Variants in TMEM178B observed in about 807,000 individuals in gnomAD.
TMEM178B encodes the protein transmembrane protein 178B.
TMEM178B carries 5 observed loss-of-function variants against 31.0 expected under a neutral mutation model. The ratio of observed to expected loss-of-function variants is 0.16; its 90% CI spans 0.08 to 0.34. The LOEUF (loss-of-function observed/expected upper bound fraction) is 0.34, where lower values mean the gene tolerates loss of function less well. Ranked by LOEUF, TMEM178B falls within the 10% of genes least tolerant of loss-of-function variation. The probability of loss-of-function intolerance (pLI) is 1.00; values close to 1 mark genes in which losing one functional copy is unlikely to be tolerated. For synonymous variants in TMEM178B, 164 were observed against 164.0 expected (o/e 1.00, Z 0.00); for missense variants, 275 against 400.3 (o/e 0.69, Z 2.67).
chr7:141,319,093 A>AGAGATTT (rs763037608), intron 2 of TMEM178B, among the ~76,000 whole-genome samples: 1 of 152,260 alleles, frequency 6.6e-6, no homozygotes. Context: ...CATAAAATCA[A>AGAGATTT]GAGATTTGGC....
At chr7:141,324,212 A>G (rs1462248118) in intron 2 of TMEM178B, among the ~76,000 whole-genome samples, 4 of 152,122 alleles carry the variant, frequency 2.6e-5, no homozygotes, top group African/African-American at 9.7e-5. Context: ...GTATTTTCAT[A>G]GGATCATAGC....
intron 2 of TMEM178B, among the ~76,000 whole-genome samples, chr7:141,405,190 AG>A (rs1435521208): frequency 2.0e-5 from 3 of 152,362 alleles, no homozygotes; most frequent in African/African-American, 7.2e-5. Context: ...TGGAGGGCAT[AG>A]GGATATAGGA....
At chr7:141,215,518 G>T (rs1252384048) in intron 2 of TMEM178B, among the ~76,000 whole-genome samples, 2 of 151,830 alleles carry the variant, frequency 1.3e-5, no homozygotes, top group Non-Finnish European at 2.9e-5. Flanking sequence ...TAGAGACAGG[G>T]TTTGACCATG....
chr7:141,294,090 G>A lies in TMEM178B; in HGVS notation c.496+81386G>A, dbSNP rs217025. Among the ~76,000 whole-genome samples, 768 of 152,142 alleles carry A rather than the reference G, an allele frequency of 5.0e-3. 4 individuals are homozygous for A. Among genetic ancestry groups the A allele is most frequent in the African/African-American group, 0.018 (743 of 41,466 alleles). ...GTTTGAGTCCCAAGTTTGCCACTTG[G>A]TGGTAAGGGATGTTGGGCCAGTTTG... On this transcript the variant is annotated intron_variant, in intron 2 of 3. Transcript: ENST00000565468.
chr7:141,262,501 A>ATATATATATATATATATATATATATATC (rs1474394298), intron 2 of TMEM178B, among the ~76,000 whole-genome samples: 3 of 114,066 alleles, frequency 2.6e-5, no homozygotes, highest in Admixed American at 9.5e-5. Context: ...ATATATATAT[A>ATATATATATATATATATATATATATATC]TATCCCTCCC....
chr7:141,459,803 G>A (rs983922665), intron 3 of TMEM178B, among the ~76,000 whole-genome samples: 1 of 152,146 alleles, frequency 6.6e-6, no homozygotes, highest in Non-Finnish European at 1.5e-5. Context: ...TCAGAAGTTT[G>A]TAAAGGCTCT....
intron 2 of TMEM178B, among the ~76,000 whole-genome samples, chr7:141,218,783 C>G (rs972550795): frequency 6.6e-6 from 1 of 152,156 alleles, no homozygotes; most frequent in Non-Finnish European, 1.5e-5. Flanking sequence ...TCCTCCCCTC[C>G]CCACTGGCAT....
At chr7:141,237,687 A>G (rs1034718451) in intron 2 of TMEM178B, among the ~76,000 whole-genome samples, 2 of 152,158 alleles carry the variant, frequency 1.3e-5, no homozygotes, top group Non-Finnish European at 2.9e-5. Context: ...TTGAAGTAAA[A>G]TAATAACAAC....
chr7:141,160,791 A>G (rs924597746), intron 1 of TMEM178B, among the ~76,000 whole-genome samples: 1 of 152,196 alleles, frequency 6.6e-6, no homozygotes, highest in Non-Finnish European at 1.5e-5. Context: ...TGGGATTAAC[A>G]CAATTAATTG....
chr7:141,313,534 G>T (rs1798949340), intron 2 of TMEM178B, among the ~76,000 whole-genome samples: 1 of 152,154 alleles, frequency 6.6e-6, no homozygotes, highest in African/African-American at 2.4e-5. Context: ...TTTCTTTTGA[G>T]GAAACTTTGC....
At chr7:141,162,255 A>T (rs541172636) in intron 1 of TMEM178B, among the ~76,000 whole-genome samples, 2 of 152,278 alleles carry the variant, frequency 1.3e-5, no homozygotes, top group East Asian at 3.9e-4. Context: ...CTTTCTCTCC[A>T]GCCACTTGCC....
chr7:141,477,803 CT>C lies in TMEM178B; in HGVS notation c.*7018del, dbSNP rs1802401144. On this transcript the variant is annotated 3_prime_UTR_variant, in exon 4 of 4. Transcript: ENST00000565468. ...GGAGGTAAATTAGGAGATGTTTTCT[CT>C]CTGCTACTCCTGGCCTCTGCTTTCG... The C allele has an allele frequency of 6.6e-6, 1 of 152,232 alleles. No individual in the cohort carries two copies. Among genetic ancestry groups the C allele is most frequent in the Non-Finnish European group, 1.5e-5 (1 of 68,082 alleles). The allele number at this position is 152,232 out of a possible 1,614,324, so 9.4% of individuals were successfully genotyped here. A position where few individuals can be genotyped will look rare whatever the true frequency, so the allele number is the denominator to read the frequency against.
At chr7:141,348,409 G>A (rs951574735) in intron 2 of TMEM178B, among the ~76,000 whole-genome samples, 3 of 152,218 alleles carry the variant, frequency 2.0e-5, no homozygotes, top group Non-Finnish European at 4.4e-5. Context: ...GAGAAGCAGC[G>A]TGGTGAGGAG....
At chr7:141,319,570 T>C (rs1431665591) in intron 2 of TMEM178B, among the ~76,000 whole-genome samples, 2 of 152,122 alleles carry the variant, frequency 1.3e-5, no homozygotes, top group Non-Finnish European at 2.9e-5. Context: ...TCTTTTTTTT[T>C]GAGACGGAGT....
intron 3 of TMEM178B, among the ~76,000 whole-genome samples, chr7:141,464,093 TAG>T (rs1200825682): frequency 1.3e-5 from 2 of 152,130 alleles, no homozygotes; most frequent in East Asian, 3.8e-4. Context: ...TTTCAGAAGT[TAG>T]AGGCATAGTA....
chr7:141,510,216 C>A, the TMEM178B span, among the ~76,000 whole-genome samples: 1 of 152,128 alleles, frequency 6.6e-6, no homozygotes, highest in East Asian at 1.9e-4. Context: ...CCCAGTATTG[C>A]CAAGGCCAGG....
chr7:141,180,620 C>T (rs1386065707), intron 1 of TMEM178B, among the ~76,000 whole-genome samples: 4 of 152,158 alleles, frequency 2.6e-5, no homozygotes, highest in Non-Finnish European at 1.5e-5. Context: ...ATTAATGTTT[C>T]ACTTGTAGAC....
rs759051526 is a variant in TMEM178B at position 141,475,587 on chromosome 7, G to A, written c.*4801G>A. The A allele has an allele frequency of 2.0e-5, 3 of 152,264 alleles. No individual in the cohort carries two copies. The highest frequency in any genetic ancestry group is 4.4e-5 in the Non-Finnish European group (3 of 68,112). 9.4% of individuals were successfully genotyped at this position (152,264 alleles called of 1,614,324 possible). ...TCTGGGTTGGCAGCTGGGGCCATGT[G>A]AGCAGTGTACACCACAGAACCGCAC... On this transcript the variant is annotated 3_prime_UTR_variant, in exon 4 of 4. Transcript: ENST00000565468.
intron 1 of TMEM178B, among the ~76,000 whole-genome samples, chr7:141,100,207 C>CTT (rs751136128): frequency 4.9e-5 from 7 of 141,848 alleles, no homozygotes; most frequent in Admixed American, 7.1e-5. Flanking sequence ...TCTGTAACAT[C>CTT]TTTTTTTTTT....
Sources: allele counts gnomAD v4.1 joint callset (sites outside exome capture counted in the v4.1 genomes callset), GRCh38; gene constraint gnomAD v4.1.1; transcripts MANE v1.5; gene names NCBI Gene and HGNC (gene_info 2026-07-23, HGNC 2026-07-21).